The following BZW2 variants were observed in gnomAD, a reference collection of about 807,000 sequenced individuals.
The protein encoded by BZW2 is basic leucine zipper and W2 domains 2.
Under a neutral mutation model 53.2 loss-of-function variants are expected in BZW2, and 23 were observed. The ratio of observed to expected loss-of-function variants is 0.43; its 90% CI spans 0.31 to 0.61. BZW2 has a LOEUF of 0.61. Among genes scored for constraint, BZW2 ranks in the 20% least tolerant of loss-of-function variants. The pLI is 0.09. For missense variants in BZW2, 409 were observed against 503.1 expected (o/e 0.81, Z 1.79); for synonymous variants, 227 against 186.4 (o/e 1.22, Z -1.77).
In BZW2 at chr7:16,694,898, T is replaced by G; in HGVS notation, c.716T>G (p.Leu239Arg). The change falls in exon 8 of 12, where the codon CTT (leucine) becomes CGT (arginine). Residue 239 changes from leucine to arginine, a missense_variant. By Grantham distance (102) the Leu-to-Arg change is moderately radical (BLOSUM62 -2). Coordinates refer to ENST00000258761, the MANE Select transcript of BZW2 (RefSeq NM_014038.3). ...HFAKYFTDAG[L>R]KELSDFLRVQ... is the part of the protein sequence containing the mutation. ...GCTAAATACTTCACTGACGCAGGTC[T>G]TAAGGAGCTTTCCGACTTCCTCCGA... 6.3e-7 allele frequency: 1 copy of G among 1,595,530 alleles called. No homozygotes were observed. The highest frequency in any genetic ancestry group is 1.3e-5 in the African/African-American group (1 of 74,832).
chr7:16,657,201 C>T (rs1782145526), intron 1 of BZW2, among the ~76,000 whole-genome samples: 1 of 152,106 alleles, frequency 6.6e-6, no homozygotes, highest in Admixed American at 6.6e-5. Context: ...AAAGGATATG[C>T]ATTTATTTTA....
At chr7:16,647,981 C>A (rs1281817009) in intron 1 of BZW2, among the ~76,000 whole-genome samples, 1 of 152,200 alleles carries the variant, frequency 6.6e-6, no homozygotes, top group Admixed American at 6.5e-5. Flanking sequence ...CCTTATGACA[C>A]TTGGTTGGTA....
chr7:16,679,091 G>T (rs1782859918), intron 3 of BZW2, among the ~76,000 whole-genome samples: 1 of 152,148 alleles, frequency 6.6e-6, no homozygotes, highest in South Asian at 2.1e-4. Flanking sequence ...GACACAACTG[G>T]TCTGACTAGA....
At chr7:16,656,032 A>C (rs1424637865) in intron 1 of BZW2, among the ~76,000 whole-genome samples, 3 of 151,844 alleles carry the variant, frequency 2.0e-5, no homozygotes, top group Non-Finnish European at 2.9e-5. Flanking sequence ...AGATACCATA[A>C]TTTTATCTTT....
chr7:16,680,160 T>A (rs1782894027), intron 3 of BZW2, among the ~76,000 whole-genome samples: 2 of 152,076 alleles, frequency 1.3e-5, no homozygotes, highest in Admixed American at 6.6e-5. Context: ...GCTACCCAAG[T>A]AGAAGGCAAA....
chr7:16,676,035 C>A (rs144538634), intron 3 of BZW2, among the ~76,000 whole-genome samples: 1 of 152,052 alleles, frequency 6.6e-6, no homozygotes, highest in East Asian at 1.9e-4. Flanking sequence ...GAGCTGAGAT[C>A]GAGCCTCTGC....
chr7:16,647,283 G>C (rs748930788), intron 1 of BZW2, among the ~76,000 whole-genome samples: 6 of 152,184 alleles, frequency 3.9e-5, no homozygotes, highest in Non-Finnish European at 8.8e-5. Context: ...GTGTGTCAAA[G>C]AGACGTGTAT....
chr7:16,673,138 G>C (rs956449716), intron 2 of BZW2, among the ~76,000 whole-genome samples: 1 of 151,976 alleles, frequency 6.6e-6, no homozygotes, highest in African/African-American at 2.4e-5. Context: ...AGTAGAGACG[G>C]GGTTTCACCA....
chr7:16,686,129 G>C, intron 6 of BZW2, 89 bp downstream of exon 6: 2 of 1,532,638 alleles, frequency 1.3e-6, no homozygotes, highest in Non-Finnish European at 1.8e-6. Context: ...GCTCTTTTTG[G>C]TGTCCTCTAT....
chr7:16,674,716 C>T (rs1180521725), intron 3 of BZW2, 128 bp downstream of exon 3: 3 of 849,442 alleles, frequency 3.5e-6, no homozygotes, highest in Non-Finnish European at 3.3e-6. Context: ...AAATGGAAGC[C>T]TATAATTTTA....
chr7:16,684,127 A>ATAC (rs1166693921), intron 5 of BZW2, among the ~76,000 whole-genome samples: 1 of 152,236 alleles, frequency 6.6e-6, no homozygotes, highest in Admixed American at 6.5e-5. Context: ...ATACAGTGGA[A>ATAC]TACTATGCAG....
At chr7:16,666,644 G>C (rs999813409) in intron 2 of BZW2, among the ~76,000 whole-genome samples, 1 of 151,868 alleles carries the variant, frequency 6.6e-6, no homozygotes, top group African/African-American at 2.4e-5. Context: ...CTTGTGATCC[G>C]CCTATTTATT....
At position 16,656,553 on chromosome 7, in the gene BZW2, G is replaced by GCACACA. The variant is rs1301100071; in HGVS notation, c.-7-8883_-7-8882insACACAC. Among the ~76,000 whole-genome samples the GCACACA allele has an allele frequency of 3.4e-3, 409 of 119,872 alleles. 1 individual carries two copies. Among genetic ancestry groups the GCACACA allele is most frequent in the African/African-American group, 0.014 (382 of 26,542 alleles). The allele number at this position is 119,872 out of a possible 152,430, so 78.6% of individuals were successfully genotyped here. A position where few individuals can be genotyped will look rare whatever the true frequency, so the allele number is the denominator to read the frequency against. On this transcript the variant is annotated intron_variant, in intron 1 of 11. Coordinates refer to ENST00000258761, the MANE Select transcript of BZW2 (RefSeq NM_014038.3). The stretch of plus-strand genomic sequence containing the variant: ...TCATCAAGCACTCCCCAGCGCGCGC[G>GCACACA]CGCACACACACACACACACACACAC...
chr7:16,650,604 T>C (rs1781961237), intron 1 of BZW2, among the ~76,000 whole-genome samples: 1 of 152,220 alleles, frequency 6.6e-6, no homozygotes, highest in South Asian at 2.1e-4. Flanking sequence ...TACAATTTTT[T>C]ATTGTGTTTT....
rs142162606 is a variant in BZW2 at position 16,672,708 on chromosome 7, A to G, written c.59-1704A>G. 9.7e-3 allele frequency among the ~76,000 whole-genome samples: 1,481 copies of G among 152,246 alleles called. 15 individuals are homozygous for G. Among genetic ancestry groups the G allele is most frequent in the African/African-American group, 0.033 (1,350 of 41,538 alleles). On this transcript the variant is annotated intron_variant, in intron 2 of 11. Coordinates refer to ENST00000258761, the MANE Select transcript of BZW2 (RefSeq NM_014038.3). ...CTCATTCTTTTCCACCAAATCTGAC[A>G]TGTGGTTTGTCATCTTCACTTCTTA...
intron 9 of BZW2, among the ~76,000 whole-genome samples, chr7:16,697,368 G>T (rs117975676): frequency 6.6e-6 from 1 of 152,168 alleles, no homozygotes; most frequent in Non-Finnish European, 1.5e-5. Context: ...TGGATTGCAG[G>T]CATGAGCCAC....
rs560205352 is a variant in BZW2 at position 16,646,202 on chromosome 7, ACTGCTGCTGCTGCTGCTG to A, written c.-89_-72del. Reference sequence around the variant, plus strand: ...CTTCACTCCTCCATTGTCTGCCGCCACTGCTGCTGCTGCTGCTGCTGCCGCTGCTGCTGCACGAATCGC... The same window carrying A: ...CTTCACTCCTCCATTGTCTGCCGCCACTGCCGCTGCTGCTGCACGAATCGC... On this transcript the variant is annotated 5_prime_UTR_variant, in exon 1 of 12. Coordinates refer to ENST00000258761, the MANE Select transcript of BZW2 (RefSeq NM_014038.3). The A allele has an allele frequency of 3.0e-6, 1 of 337,766 alleles. No individual in the cohort carries two copies. Among genetic ancestry groups the A allele is most frequent in the Non-Finnish European group, 6.0e-6 (1 of 166,420 alleles). 20.9% of individuals were successfully genotyped at this position (337,766 alleles called of 1,614,324 possible).
intron 8 of BZW2, among the ~76,000 whole-genome samples, chr7:16,695,661 A>C (rs920733291): frequency 6.6e-6 from 1 of 152,152 alleles, no homozygotes; most frequent in Non-Finnish European, 1.5e-5. Context: ...TTCTATTTGA[A>C]GTTTTAAAAT....
intron 7 of BZW2, 38 bp downstream of exon 7, chr7:16,689,944 C>A: frequency 6.6e-7 from 1 of 1,517,460 alleles, no homozygotes; most frequent in Non-Finnish European, 9.1e-7. Flanking sequence ...ATGTATGATG[C>A]CTTTCTTGGA....
Sources: allele counts gnomAD v4.1 joint callset (sites outside exome capture counted in the v4.1 genomes callset), GRCh38; gene constraint gnomAD v4.1.1; transcripts MANE v1.5; gene names NCBI Gene and HGNC (gene_info 2026-07-23, HGNC 2026-07-21).